TNS3: variants seen among roughly 807,000 people sequenced by gnomAD.
TNS3 encodes the protein tensin 3, also known as tensin-3.
TNS3 carries 45 observed loss-of-function variants against 140.9 expected under a neutral mutation model. That is an observed-to-expected ratio of 0.32 (90% confidence interval 0.25 to 0.41). The LOEUF (loss-of-function observed/expected upper bound fraction) is 0.41, where lower values mean the gene tolerates loss of function less well. Ranked by LOEUF, TNS3 falls within the 10% of genes least tolerant of loss-of-function variation. The pLI, the probability that TNS3 is intolerant of heterozygous loss-of-function variation, is 1.00. For synonymous variants in TNS3, 815 were observed against 788.4 expected (o/e 1.03, Z -0.56); for missense variants, 1,716 against 1,906.7 (o/e 0.90, Z 1.86).
chr7:47,303,673 G>C, intron 21 of TNS3, 89 bp from the exon 22 acceptor site: 2 of 1,443,820 alleles, frequency 1.4e-6, no homozygotes, highest in Non-Finnish European at 1.8e-6. Flanking sequence ...GGGAAGACAG[G>C]GATGGGGAAG....
At chr7:47,418,701 T>A (rs1794213840) in intron 10 of TNS3, among the ~76,000 whole-genome samples, 3 of 152,260 alleles carry the variant, frequency 2.0e-5, no homozygotes, top group Non-Finnish European at 4.4e-5. Context: ...TTTAAACTTG[T>A]AAGCAAACGA....
intron 12 of TNS3, among the ~76,000 whole-genome samples, chr7:47,413,453 G>A (rs1793900944): frequency 6.6e-6 from 1 of 151,576 alleles, no homozygotes; most frequent in Non-Finnish European, 1.5e-5. Context: ...GTTTCACCAT[G>A]ATGGCCAGGG....
intron 1 of TNS3, among the ~76,000 whole-genome samples, chr7:47,557,580 G>T (rs150497752): frequency 9.2e-4 from 140 of 152,326 alleles, no homozygotes; most frequent in Non-Finnish European, 1.4e-3. Flanking sequence ...ATAACTGAAG[G>T]TTTTATGGGA....
chr7:47,442,126 G>A (rs1472786232), intron 4 of TNS3, 71 bp from the exon 5 acceptor site: 2 of 1,015,394 alleles, frequency 2.0e-6, no homozygotes, highest in African/African-American at 1.7e-5. Context: ...AGACACCACT[G>A]AGAGGGAACA....
At position 47,435,423 on chromosome 7, in the gene TNS3, G is replaced by A. The variant is rs1176118174; in HGVS notation, c.202-19C>T. The A allele has an allele frequency of 6.2e-7, 1 of 1,611,970 alleles. No homozygotes were observed. ...CCATGATCTGCAACAAGAAAGGGGA[G>A]CTTCCTCGGTTTCCATTTCCTAAAA... On this transcript the variant is annotated intron_variant, in intron 7 of 30. Coordinates refer to ENST00000311160, the MANE Select transcript of TNS3 (RefSeq NM_022748.12).
At chr7:47,366,332 C>T (rs570773786) in intron 17 of TNS3, among the ~76,000 whole-genome samples, 1 of 152,340 alleles carries the variant, frequency 6.6e-6, no homozygotes, top group Admixed American at 6.5e-5. Context: ...CTCCTTCCAA[C>T]TCCCAGCACA....
intron 21 of TNS3, among the ~76,000 whole-genome samples, chr7:47,304,039 C>G (rs568066029): frequency 6.6e-6 from 1 of 152,348 alleles, no homozygotes; most frequent in African/African-American, 2.4e-5. Context: ...TCTTGTCCCA[C>G]AGCACTAGGC....
intron 16 of TNS3, among the ~76,000 whole-genome samples, chr7:47,393,440 A>C (rs993574294): frequency 6.6e-5 from 10 of 152,258 alleles, no homozygotes; most frequent in Non-Finnish European, 1.3e-4. Flanking sequence ...AAGAATACTC[A>C]GGCAGTGGTT....
At chr7:47,321,946 C>A (rs1366123555) in intron 20 of TNS3, among the ~76,000 whole-genome samples, 1 of 152,150 alleles carries the variant, frequency 6.6e-6, no homozygotes, top group Non-Finnish European at 1.5e-5. Context: ...TCCTGCCCAT[C>A]ATCCACCAAG....
chr7:47,555,982 A>T (rs1349873443), intron 1 of TNS3, among the ~76,000 whole-genome samples: 1 of 152,254 alleles, frequency 6.6e-6, no homozygotes, highest in African/African-American at 2.4e-5. Context: ...ACATAGACAC[A>T]TACATGTAGG....
chr7:47,480,078 C>A (rs910668625), intron 4 of TNS3, among the ~76,000 whole-genome samples: 5 of 152,184 alleles, frequency 3.3e-5, no homozygotes, highest in African/African-American at 1.2e-4. Context: ...CGCCGCTGGC[C>A]GAGCCTGGGG....
At chr7:47,324,792 A>G (rs959293412) in intron 20 of TNS3, among the ~76,000 whole-genome samples, 1 of 152,228 alleles carries the variant, frequency 6.6e-6, no homozygotes, top group African/African-American at 2.4e-5. Flanking sequence ...CTTAATAAAA[A>G]CTTTGAAAAT....
At chr7:47,300,970 A>T (rs1206868841) in intron 23 of TNS3, among the ~76,000 whole-genome samples, 3 of 152,232 alleles carry the variant, frequency 2.0e-5, no homozygotes, top group Non-Finnish European at 4.4e-5. Flanking sequence ...TGAGATCATA[A>T]GAGATGCACA....
intron 16 of TNS3, among the ~76,000 whole-genome samples, chr7:47,378,935 G>C (rs1285726725): frequency 1.3e-5 from 2 of 152,220 alleles, no homozygotes; most frequent in Non-Finnish European, 2.9e-5. Flanking sequence ...TGATGGGTCT[G>C]GTGCTGCACA....
intron 17 of TNS3, among the ~76,000 whole-genome samples, chr7:47,366,384 A>G (rs922047655): frequency 6.6e-6 from 1 of 152,210 alleles, no homozygotes; most frequent in Non-Finnish European, 1.5e-5. Context: ...CTGGAATGAC[A>G]GCTGTTTGCT....
At chr7:47,563,297 T>C (rs537256857) in intron 1 of TNS3, among the ~76,000 whole-genome samples, 24 of 152,290 alleles carry the variant, frequency 1.6e-4, no homozygotes, top group South Asian at 1.2e-3. Flanking sequence ...GTGAGATAAA[T>C]ACATAAGAAC....
intron 8 of TNS3, among the ~76,000 whole-genome samples, chr7:47,431,864 A>C (rs1794945580): frequency 6.6e-6 from 1 of 152,212 alleles, no homozygotes; most frequent in Non-Finnish European, 1.5e-5. Context: ...CATTTAAGAC[A>C]CAAAGAAACA....
At chr7:47,310,363 G>A (rs1787017894) in intron 20 of TNS3, among the ~76,000 whole-genome samples, 1 of 152,118 alleles carries the variant, frequency 6.6e-6, no homozygotes. Context: ...AGGGGCCTTT[G>A]CAAACACCAC....
intron 17 of TNS3, among the ~76,000 whole-genome samples, chr7:47,359,893 G>A (rs1423917878): frequency 6.6e-6 from 1 of 152,138 alleles, no homozygotes; most frequent in Non-Finnish European, 1.5e-5. Context: ...TGAGCAGAAG[G>A]TGGGCTGGAA....
Sources: gnomAD v4.1 joint callset for allele counts (sites outside exome capture counted in the v4.1 genomes callset) on GRCh38, gnomAD v4.1.1 for gene constraint, MANE v1.5 for transcripts, NCBI Gene and HGNC (gene_info 2026-07-23, HGNC 2026-07-21) for gene names.